Variants in TRAF3IP3 observed in about 807,000 individuals in gnomAD.
The protein encoded by TRAF3IP3 is TRAF3-interacting JNK-activating modulator.
TRAF3IP3 carries 64 observed loss-of-function variants against 86.5 expected under a neutral mutation model. That is an observed-to-expected ratio of 0.74 (90% CI 0.60 to 0.91). The LOEUF (loss-of-function observed/expected upper bound fraction) is 0.91. Among genes scored for constraint, TRAF3IP3 ranks in the 40% least tolerant of loss-of-function variants. The pLI is 0.00. For synonymous variants in TRAF3IP3, 220 were observed against 243.9 expected (o/e 0.90, Z 0.91); for missense variants, 579 against 642.9 (o/e 0.90, Z 1.07).
chr1:209,768,475 G>A, intron 8 of TRAF3IP3: 2 of 985,552 alleles, frequency 2.0e-6, no homozygotes, highest in Non-Finnish European at 2.4e-6. Flanking sequence ...CTGCGTCCTG[G>A]AATTAAGATC....
At chr1:209,778,949 C>A in intron 13 of TRAF3IP3, 1 of 271,980 alleles carries the variant, frequency 3.7e-6, no homozygotes, top group Non-Finnish European at 7.0e-6. Flanking sequence ...AAAGATCTAT[C>A]CCAGGGCTCT....
At chr1:209,770,699 AGGT>A (rs1426891858) in intron 8 of TRAF3IP3, among the ~76,000 whole-genome samples, 6 of 135,806 alleles carry the variant, frequency 4.4e-5, no homozygotes, top group Admixed American at 3.7e-4. Context: ...GTGCATGTGG[AGGT>A]GTGTGTGTGC....
chr1:209,778,355 G>A (rs1379079447), intron 13 of TRAF3IP3, 182 bp downstream of exon 13: 3 of 515,324 alleles, frequency 5.8e-6, no homozygotes, highest in East Asian at 6.5e-5. Context: ...TTATGTGTTA[G>A]CCTCTGTTCT....
At chr1:209,771,108 A>ATG (rs2077497715) in intron 8 of TRAF3IP3, among the ~76,000 whole-genome samples, 1 of 100,784 alleles carries the variant, frequency 9.9e-6, no homozygotes, top group African/African-American at 3.9e-5. Context: ...GGAAGTGTGC[A>ATG]TGCATGTGGA....
chr1:209,771,022 G>A (rs2077489301), intron 8 of TRAF3IP3, among the ~76,000 whole-genome samples: 1 of 132,386 alleles, frequency 7.6e-6, no homozygotes, highest in Non-Finnish European at 1.6e-5. Context: ...GCATGTGGAT[G>A]TGTGTGTGTG....
intron 16 of TRAF3IP3, 65 bp from the exon 17 acceptor site, chr1:209,781,990 AT>A: frequency 7.4e-7 from 1 of 1,345,672 alleles, no homozygotes; most frequent in Non-Finnish European, 1.1e-6. Flanking sequence ...AAGAAGAAAG[AT>A]TTTTGCCTAT....
At chr1:209,775,168 A>G in intron 9 of TRAF3IP3, 181 bp from the exon 10 acceptor site, 1 of 628,322 alleles carries the variant, frequency 1.6e-6, no homozygotes, top group Non-Finnish European at 2.8e-6. Flanking sequence ...TATGCCCTCC[A>G]CTCATCTCTC....
intron 8 of TRAF3IP3, among the ~76,000 whole-genome samples, chr1:209,769,294 C>A (rs1453820390): frequency 6.6e-6 from 1 of 151,946 alleles, no homozygotes; most frequent in African/African-American, 2.4e-5. Context: ...GATTTCAGGA[C>A]CTGTGGATTG....
intron 5 of TRAF3IP3, 44 bp from the exon 6 acceptor site, chr1:209,763,024 T>G (rs2077274691): frequency 1.2e-6 from 2 of 1,609,478 alleles, no homozygotes; most frequent in Non-Finnish European, 1.7e-6. Context: ...CCTGACTTGA[T>G]TCTTTGGTCC....
At position 209,767,554 on chromosome 1, in the gene TRAF3IP3, G is replaced by T. The variant is rs575160860; in HGVS notation, c.702+3967G>T. ...AAAATAAAAAAATTAGCCATGCATG[G>T]TGGTACACACCTATAGTCACAGCTA... On this transcript the variant is annotated intron_variant, in intron 8 of 16. Transcript: ENST00000367025. 1.6e-4 allele frequency among the ~76,000 whole-genome samples: 24 copies of T among 152,132 alleles called. 1 individual carries two copies. In the South Asian group the frequency reaches 4.8e-3, roughly 30 times the overall value.
intron 8 of TRAF3IP3, among the ~76,000 whole-genome samples, chr1:209,767,185 C>T (rs1181937996): frequency 1.3e-5 from 2 of 152,112 alleles, no homozygotes; most frequent in African/African-American, 2.4e-5. Context: ...TTAAAGGAAA[C>T]CCATATATGT....
At chr1:209,762,778 G>C in intron 4 of TRAF3IP3, 35 bp from the exon 5 acceptor site, 1 of 1,613,292 alleles carries the variant, frequency 6.2e-7, no homozygotes. Flanking sequence ...CTTCCTCCCT[G>C]TAAGTTCTAA....
chr1:209,782,309 G>T lies in TRAF3IP3; in HGVS notation c.*161G>T. 1 of 612,748 alleles carries T rather than the reference G, an allele frequency of 1.6e-6. No homozygotes were observed. The highest frequency in any genetic ancestry group is 2.9e-6 in the Non-Finnish European group (1 of 341,344). The allele number at this position is 612,748 out of a possible 1,614,324, so 38.0% of individuals were successfully genotyped here. A position where few individuals can be genotyped will look rare whatever the true frequency, so the allele number is the denominator to read the frequency against. ...ACTGTAAATAAACTTCACCTGACCA[G>T]ATTGTTCCTCAGAACTCTCAGTTTA... On this transcript the variant is annotated 3_prime_UTR_variant, in exon 17 of 17. Coordinates refer to ENST00000367025, the MANE Select transcript of TRAF3IP3 (RefSeq NM_025228.4).
intron 1 of TRAF3IP3, among the ~76,000 whole-genome samples, chr1:209,758,345 C>G (rs553573368): frequency 6.6e-6 from 1 of 152,244 alleles, no homozygotes; most frequent in South Asian, 2.1e-4. Context: ...ATCAATGCTG[C>G]CTGACACCAG....
In TRAF3IP3 at chr1:209,763,569, C is replaced by T. The variant is rs17015169; in HGVS notation, c.684C>T (p.Ala228=). The T allele has an allele frequency of 0.26, 411,636 of 1,612,776 alleles. 59,597 individuals are homozygous for T. Among genetic ancestry groups the T allele is most frequent in the African/African-American group, 0.65 (48,322 of 74,908 alleles). Residue 228 remains alanine, a synonymous_variant, in exon 8 of 17, where the codon GCC becomes GCT. Coordinates refer to ENST00000367025, the MANE Select transcript of TRAF3IP3 (RefSeq NM_025228.4). ...ACCTACTGTCCACTCTGATTCAGGC[C>T]TCTGACAGCTCTTGGAAGGTAAGGG... is the stretch of plus-strand genomic sequence containing the variant. The part of the protein sequence containing the change: ...LQDLLSTLIQ[A]SDSSWKGQLN...
intron 8 of TRAF3IP3, among the ~76,000 whole-genome samples, chr1:209,765,568 A>G (rs2077341581): frequency 6.6e-6 from 1 of 151,986 alleles, no homozygotes; most frequent in African/African-American, 2.4e-5. Context: ...TCAGGAGGCT[A>G]AGGCAGGAGA....
chr1:209,781,909 CAAAATGGGAGACAGAGT>C (rs778276211), intron 16 of TRAF3IP3, 130 bp from the exon 17 acceptor site: 273 of 632,594 alleles, frequency 4.3e-4, no homozygotes, highest in Non-Finnish European at 6.7e-4. Context: ...AGACAGGTGA[CAAAATGGGAGACAGAGT>C]AAAAAGCTTT....
intron 6 of TRAF3IP3, 29 bp downstream of exon 6, chr1:209,763,121 A>G (rs7548219): frequency 0.25 from 408,940 of 1,604,540 alleles, 60,342 homozygotes; most frequent in African/African-American, 0.68. Context: ...TGAAGGGGTC[A>G]AATCAGAAAG....
chr1:209,771,727 A>G (rs1420982006), intron 8 of TRAF3IP3, among the ~76,000 whole-genome samples: 1 of 103,550 alleles, frequency 9.7e-6, no homozygotes, highest in Admixed American at 1.1e-4. Flanking sequence ...GTGGAAGTGT[A>G]CGTGTGCATG....
Sources: gnomAD v4.1 joint callset for allele counts (sites outside exome capture counted in the v4.1 genomes callset) on GRCh38, gnomAD v4.1.1 for gene constraint, MANE v1.5 for transcripts, NCBI Gene and HGNC (gene_info 2026-07-23, HGNC 2026-07-21) for gene names.